Variants in RPRD2 observed in about 807,000 individuals in gnomAD.
The protein encoded by RPRD2 is regulation of nuclear pre-mRNA domain-containing protein 2.
Under a neutral mutation model 104.4 loss-of-function variants are expected in RPRD2, and 12 were observed. The ratio of observed to expected loss-of-function variants is 0.11; its 90% confidence interval spans 0.07 to 0.19. The LOEUF is 0.19. Ranked by LOEUF, RPRD2 falls within the 10% of genes least tolerant of loss-of-function variation. The pLI is 1.00. For missense variants in RPRD2, 1,543 were observed against 1,790.1 expected (o/e 0.86, Z 2.49); for synonymous variants, 714 against 684.9 (o/e 1.04, Z -0.66).
intron 2 of RPRD2, among the ~76,000 whole-genome samples, chr1:150,437,840 A>G (rs1382975919): frequency 1.3e-5 from 2 of 151,946 alleles, no homozygotes; most frequent in Non-Finnish European, 2.9e-5. Flanking sequence ...TCAGCCTTCC[A>G]AAGTGCTAGA....
intron 1 of RPRD2, among the ~76,000 whole-genome samples, chr1:150,386,052 A>G (rs587643263): frequency 2.6e-4 from 39 of 152,324 alleles, no homozygotes; most frequent in African/African-American, 9.4e-4. Flanking sequence ...GAAGACATTA[A>G]GGTAAGAAAG....
intron 8 of RPRD2, among the ~76,000 whole-genome samples, chr1:150,458,998 A>G (rs782289998): frequency 7.9e-5 from 12 of 152,162 alleles, no homozygotes; most frequent in Non-Finnish European, 1.3e-4. Context: ...CATATGTGGC[A>G]TATGTGGCTT....
chr1:150,380,260 T>C (rs1422792996), intron 1 of RPRD2, among the ~76,000 whole-genome samples: 1 of 152,248 alleles, frequency 6.6e-6, no homozygotes, highest in African/African-American at 2.4e-5. Context: ...TTTAGCTATT[T>C]GAAAAATTTG....
chr1:150,388,416 GTA>G (rs370049726), intron 1 of RPRD2, among the ~76,000 whole-genome samples: 37 of 140,096 alleles, frequency 2.6e-4, no homozygotes, highest in South Asian at 6.8e-4. Context: ...ATATACACAT[GTA>G]TATATATACA....
At chr1:150,389,301 C>T (rs940550980) in intron 1 of RPRD2, among the ~76,000 whole-genome samples, 2 of 152,154 alleles carry the variant, frequency 1.3e-5, no homozygotes, top group Non-Finnish European at 2.9e-5. Flanking sequence ...CTGCCTGCCT[C>T]GGCCTCGCAA....
At chr1:150,367,619 CTTTA>C (rs1286921387) in intron 1 of RPRD2, among the ~76,000 whole-genome samples, 1 of 151,754 alleles carries the variant, frequency 6.6e-6, no homozygotes, top group Non-Finnish European at 1.5e-5. Context: ...TAATTTTATC[CTTTA>C]TTTCAGTGTG....
At chr1:150,376,245 CTCTT>C (rs1470813388) in intron 1 of RPRD2, among the ~76,000 whole-genome samples, 3 of 152,120 alleles carry the variant, frequency 2.0e-5, no homozygotes, top group African/African-American at 7.2e-5. Flanking sequence ...TCCCTCATCT[CTCTT>C]TCTTCACTTC....
At position 150,440,983 on chromosome 1, in the gene RPRD2, A is replaced by G. The variant is rs1666371508; in HGVS notation, c.396A>G (p.Val132=). The change falls in exon 3 of 11, where the codon GTA becomes GTG. Residue 132 remains valine, a synonymous_variant. Transcript: ENST00000369068. ...TTAAAATCTGGGAAGATAGAAATGTATACCCAGAAGAAATGATTGTGGCAT... is the reference window on the plus strand; with the variant it reads ...TTAAAATCTGGGAAGATAGAAATGTGTACCCAGAAGAAATGATTGTGGCAT... ...RIFKIWEDRN[V]YPEEMIVALR... is the part of the protein sequence containing the mutation. 4 of 1,582,128 alleles carry G rather than the reference A, an allele frequency of 2.5e-6. No individual in the cohort carries two copies. The highest frequency in any genetic ancestry group is 3.4e-6 in the Non-Finnish European group (4 of 1,162,280).
At chr1:150,411,184 G>A (rs1347144420) in intron 1 of RPRD2, among the ~76,000 whole-genome samples, 1 of 152,158 alleles carries the variant, frequency 6.6e-6, no homozygotes, top group Non-Finnish European at 1.5e-5. Context: ...TATAGGCGGG[G>A]CGCAGTGGCT....
intron 2 of RPRD2, 122 bp downstream of exon 2, chr1:150,417,847 T>A (rs587682848): frequency 4.8e-5 from 30 of 623,792 alleles, no homozygotes; most frequent in Non-Finnish European, 6.5e-5. Context: ...TTTGCCTAAA[T>A]GGTTGATTAT....
At chr1:150,404,950 A>G (rs1038007914) in intron 1 of RPRD2, among the ~76,000 whole-genome samples, 2 of 152,172 alleles carry the variant, frequency 1.3e-5, no homozygotes, top group African/African-American at 2.4e-5. Context: ...TATCTTACTT[A>G]TTCTTACCTA....
At chr1:150,445,728 T>G (rs781815144) in intron 6 of RPRD2, among the ~76,000 whole-genome samples, 4 of 152,174 alleles carry the variant, frequency 2.6e-5, no homozygotes, top group Non-Finnish European at 5.9e-5. Flanking sequence ...GTAAAGAATT[T>G]TAATAATCTG....
chr1:150,469,885 T>C (rs1395328229), intron 10 of RPRD2, among the ~76,000 whole-genome samples: 2 of 152,170 alleles, frequency 1.3e-5, no homozygotes, highest in Non-Finnish European at 2.9e-5. Flanking sequence ...TGGTGGTCTG[T>C]CTTTGTAAGT....
chr1:150,459,593 CTTT>C (rs138250082), intron 8 of RPRD2, among the ~76,000 whole-genome samples: 5 of 137,802 alleles, frequency 3.6e-5, no homozygotes, highest in Middle Eastern at 3.6e-3. Context: ...AAATTGCTTG[CTTT>C]TTTTTTTTTT....
In RPRD2 at chr1:150,472,899, G is replaced by C. The variant is rs767204863; in HGVS notation, c.3951G>C (p.Val1317=). The change falls in exon 11 of 11, where the codon GTG becomes GTC. Residue 1317 remains valine (V), a synonymous_variant. Transcript: ENST00000369068. The part of the protein sequence containing the change: ...FPAPPLAEHG[V]AGAVAVFPKD... ...CCCCACCACTGGCAGAGCACGGAGT[G>C]GCAGGGGCTGTGGCAGTATTTCCCA... 6.2e-7 allele frequency: 1 copy of C among 1,612,916 alleles called. No homozygotes were observed. Among genetic ancestry groups the C allele is most frequent in the Non-Finnish European group, 8.5e-7 (1 of 1,179,484 alleles).
chr1:150,456,769 T>C (rs1238964944), intron 7 of RPRD2, among the ~76,000 whole-genome samples: 1 of 131,670 alleles, frequency 7.6e-6, no homozygotes, highest in Non-Finnish European at 1.6e-5. Flanking sequence ...TACTAAAAAT[T>C]CAAAAATTAG....
At chr1:150,425,625 A>G (rs1177714522) in intron 2 of RPRD2, among the ~76,000 whole-genome samples, 3 of 151,254 alleles carry the variant, frequency 2.0e-5, no homozygotes, top group Non-Finnish European at 2.9e-5. Flanking sequence ...CCTGGGCAAC[A>G]AGAACAAAAC....
intron 7 of RPRD2, among the ~76,000 whole-genome samples, chr1:150,447,036 A>G (rs967832935): frequency 3.3e-5 from 5 of 151,924 alleles, no homozygotes; most frequent in African/African-American, 9.7e-5. Flanking sequence ...AGGTTTCTCC[A>G]TGTTGGTCAG....
intron 1 of RPRD2, among the ~76,000 whole-genome samples, chr1:150,403,920 C>T (rs1310719574): frequency 6.6e-6 from 1 of 152,176 alleles, no homozygotes; most frequent in Non-Finnish European, 1.5e-5. Flanking sequence ...AGGCATGAGC[C>T]ACTGCTGCAC....
Sources: gnomAD v4.1 joint callset for allele counts (sites outside exome capture counted in the v4.1 genomes callset) on GRCh38, gnomAD v4.1.1 for gene constraint, MANE v1.5 for transcripts, NCBI Gene and HGNC (gene_info 2026-07-23, HGNC 2026-07-21) for gene names.